The following WDFY4 variants were observed in gnomAD, a reference collection of about 807,000 sequenced individuals.
WDFY4 encodes WD repeat- and FYVE domain-containing protein 4.
WDFY4 carries 169 observed loss-of-function variants against 351.9 expected under a neutral mutation model. The ratio of observed to expected loss-of-function variants is 0.48; its 90% confidence interval spans 0.42 to 0.55. The LOEUF (loss-of-function observed/expected upper bound fraction) is 0.55, where lower values mean the gene tolerates loss of function less well. WDFY4 is among the 20% of genes least tolerant of loss of function. The pLI, the probability that WDFY4 is intolerant of heterozygous loss-of-function variation, is 0.00. For synonymous variants in WDFY4, 1,622 were observed against 1,574.6 expected, an observed-to-expected ratio of 1.03 and a Z score of -0.71; for missense variants, 3,803 against 3,935.6, an observed-to-expected ratio of 0.97 and a Z score of 0.90.
At chr10:48,923,539 T>C (rs1358964746) in intron 47 of WDFY4, among the ~76,000 whole-genome samples, 1 of 123,480 alleles carries the variant, frequency 8.1e-6, no homozygotes. Context: ...TAGTCCTGTA[T>C]TTTATTTGGC....
intron 54 of WDFY4, 42 bp downstream of exon 54, chr10:48,964,096 T>C (rs1318205391): frequency 6.5e-7 from 1 of 1,538,890 alleles, no homozygotes; most frequent in South Asian, 1.2e-5. Context: ...CTCAAAAGAG[T>C]GTGTGCAGTG....
chr10:48,963,877 C>T lies in WDFY4; in HGVS notation c.8259C>T (p.His2753=), dbSNP rs1168433675. 4 of 1,551,618 alleles carry T rather than the reference C, an allele frequency of 2.6e-6. No individual in the cohort carries two copies. The highest frequency in any genetic ancestry group is 1.2e-5 in the South Asian group (1 of 84,046). ...GTGACTTTGTCAGTGCCAACCTCCA[C>T]CATTGGATAGACCTTATTTTTGGGT... ...LESDFVSANL[H]HWIDLIFGYK... Residue 2753 remains histidine, a synonymous_variant, in exon 54 of 62, where the codon CAC becomes CAT. Coordinates refer to ENST00000325239, the MANE Select transcript of WDFY4 (RefSeq NM_001394531.1).
intron 20 of WDFY4, among the ~76,000 whole-genome samples, chr10:48,787,893 C>CTTCTTTCTTTCTTT (rs2066496734): frequency 6.2e-5 from 3 of 48,110 alleles, no homozygotes; most frequent in Non-Finnish European, 1.1e-4. Flanking sequence ...TTCTTCTTCT[C>CTTCTTTCTTTCTTT]CTTCTTCTTC....
chr10:48,724,823 T>TA (rs531046464), intron 5 of WDFY4, among the ~76,000 whole-genome samples: 41 of 152,080 alleles, frequency 2.7e-4, no homozygotes, highest in African/African-American at 9.7e-4. Flanking sequence ...TGTTAGCAAT[T>TA]AAAAAAATAG....
chr10:48,764,274 T>C (rs538718440), intron 13 of WDFY4, among the ~76,000 whole-genome samples: 1 of 152,226 alleles, frequency 6.6e-6, no homozygotes, highest in East Asian at 1.9e-4. Flanking sequence ...CCAGAGGTTC[T>C]TTTCCCCTCC....
intron 39 of WDFY4, among the ~76,000 whole-genome samples, chr10:48,835,174 G>A (rs905728925): frequency 5.9e-5 from 9 of 152,216 alleles, no homozygotes; most frequent in African/African-American, 1.9e-4. Flanking sequence ...TCAAGGAGCT[G>A]CAGTCTGGGA....
intron 30 of WDFY4, among the ~76,000 whole-genome samples, chr10:48,813,441 T>C (rs934070561): frequency 7.2e-5 from 11 of 152,206 alleles, no homozygotes; most frequent in African/African-American, 2.7e-4. Context: ...TTTATTTTGC[T>C]TGATATTTAA....
Position 48,809,324 on chromosome 10 carries a change from A to G in WDFY4, c.4839-1206A>G, listed in dbSNP as rs538734743. Among the ~76,000 whole-genome samples, 27 of 152,036 alleles carry G rather than the reference A, an allele frequency of 1.8e-4. No individual in the cohort carries two copies. The South Asian group carries it at 5.2e-3, about 29-fold the overall frequency. On this transcript the variant is annotated intron_variant, in intron 28 of 61. Coordinates refer to ENST00000325239, the MANE Select transcript of WDFY4 (RefSeq NM_001394531.1). ...CATCATCACCATCACCATCATCACC[A>G]TCACCCTCACCACCATCACCATCAT...
At chr10:48,701,807 G>T (rs1214638539) in intron 1 of WDFY4, among the ~76,000 whole-genome samples, 3 of 152,216 alleles carry the variant, frequency 2.0e-5, no homozygotes, top group Admixed American at 6.5e-5. Flanking sequence ...ACCTCGTGGG[G>T]TGTTGCTGTG....
chr10:48,751,222 C>T (rs1009317720), intron 12 of WDFY4, among the ~76,000 whole-genome samples: 5 of 152,166 alleles, frequency 3.3e-5, no homozygotes, highest in Admixed American at 6.5e-5. Context: ...GTCAGCGAGG[C>T]GTTCCTGGAT....
chr10:48,832,461 G>A, intron 38 of WDFY4, 112 bp from the exon 39 acceptor site: 2 of 1,281,964 alleles, frequency 1.6e-6, no homozygotes, highest in Non-Finnish European at 2.1e-6. Flanking sequence ...TCTTTTTGGA[G>A]GCAACCACAG....
At chr10:48,741,957 C>A (rs536712570) in intron 11 of WDFY4, among the ~76,000 whole-genome samples, 2 of 152,206 alleles carry the variant, frequency 1.3e-5, no homozygotes, top group African/African-American at 4.8e-5. Context: ...CTAAAAATTA[C>A]AGACTTTTAA....
At chr10:48,908,670 GC>G (rs1181951885) in intron 47 of WDFY4, among the ~76,000 whole-genome samples, 1 of 151,580 alleles carries the variant, frequency 6.6e-6, no homozygotes, top group African/African-American at 2.4e-5. Context: ...ATTCACAGTT[GC>G]AAAAATAGTA....
chr10:48,827,629 A>G (rs1286444646), intron 36 of WDFY4, among the ~76,000 whole-genome samples: 1 of 149,924 alleles, frequency 6.7e-6, no homozygotes, highest in Non-Finnish European at 1.5e-5. Flanking sequence ...GTGTAGAGGG[A>G]GAGAGGACAA....
chr10:48,806,274 T>G (rs1391239608), intron 27 of WDFY4, among the ~76,000 whole-genome samples, 179 bp downstream of exon 27: 1 of 152,130 alleles, frequency 6.6e-6, no homozygotes, highest in East Asian at 1.9e-4. Context: ...AGAAATGAAA[T>G]AAAATTATAG....
At chr10:48,979,187 T>C (rs1307406497) in intron 60 of WDFY4, among the ~76,000 whole-genome samples, 1 of 152,188 alleles carries the variant, frequency 6.6e-6, no homozygotes, top group Non-Finnish European at 1.5e-5. Context: ...ATCACAAAGA[T>C]GCAGATCAAG....
chr10:48,895,754 C>T (rs137913985), intron 44 of WDFY4, among the ~76,000 whole-genome samples: 31 of 152,298 alleles, frequency 2.0e-4, no homozygotes, highest in East Asian at 1.7e-3. Flanking sequence ...TCCCTTTCCC[C>T]TCCTCTCTTC....
intron 1 of WDFY4, among the ~76,000 whole-genome samples, chr10:48,695,674 G>T (rs896165245): frequency 6.6e-6 from 1 of 152,122 alleles, no homozygotes; most frequent in Non-Finnish European, 1.5e-5. Context: ...ACCGAGCCCT[G>T]ATCGGCTCCC....
chr10:48,858,716 G>A (rs2663049), intron 39 of WDFY4, among the ~76,000 whole-genome samples: 67,542 of 151,940 alleles, frequency 0.44, 16,535 homozygotes, highest in East Asian at 0.71. Context: ...CACCAGTTTT[G>A]GAAACTCGTC....
Sources: allele counts gnomAD v4.1 joint callset (sites outside exome capture counted in the v4.1 genomes callset), GRCh38; gene constraint gnomAD v4.1.1; transcripts MANE v1.5; gene names NCBI Gene and HGNC (gene_info 2026-07-23, HGNC 2026-07-21).